Variants in SVEP1 observed in about 807,000 individuals in gnomAD.
SVEP1 encodes sushi, von Willebrand factor type A, EGF and pentraxin domain containing 1, also known as sushi, von Willebrand factor type A, EGF and pentraxin domain-containing protein 1.
Under a neutral mutation model 367.3 loss-of-function variants are expected in SVEP1, and 164 were observed. The observed-to-expected ratio is 0.45, with a 90% CI of 0.39 to 0.51. The LOEUF is 0.51. SVEP1 is among the 20% of genes least tolerant of loss of function. The pLI, the probability that SVEP1 is intolerant of heterozygous loss-of-function variation, is 0.00. For synonymous variants in SVEP1, 1,666 were observed against 1,611.6 expected, an observed-to-expected ratio of 1.03 and a Z score of -0.81; for missense variants, 4,117 against 4,425.3, an observed-to-expected ratio of 0.93 and a Z score of 1.98.
intron 40 of SVEP1, among the ~76,000 whole-genome samples, chr9:110,399,140 A>G (rs9775743): frequency 0.2 from 30,824 of 152,186 alleles, 3,245 homozygotes; most frequent in Middle Eastern, 0.32. Context: ...TGTGGCATAT[A>G]TACACCATGG....
intron 26 of SVEP1, among the ~76,000 whole-genome samples, chr9:110,444,684 T>C (rs1403058072): frequency 2.6e-5 from 4 of 152,246 alleles, no homozygotes; most frequent in African/African-American, 7.2e-5. Flanking sequence ...AGAAAGTTGA[T>C]AATGAAGATA....
intron 9 of SVEP1, 87 bp downstream of exon 9, chr9:110,489,562 TG>T: frequency 7.5e-7 from 1 of 1,335,604 alleles, no homozygotes; most frequent in Non-Finnish European, 1.0e-6. Flanking sequence ...TACCTCCCAC[TG>T]GGTCCTTCCC....
rs1466168822 is a variant in SVEP1, at chr9:110,411,200, T to C, written c.6511A>G (p.Ser2171Gly). The change falls in exon 37 of 48, where the codon AGC (serine) becomes GGC (glycine). Residue 2171 changes from serine (S) to glycine (G), a missense_variant. Physicochemically the swap from Ser to Gly is moderately conservative, Grantham distance 56 (BLOSUM62 0). This residue lies in a region of SVEP1 where 1,765 missense variants were observed against 1,781.1 expected (regional missense o/e 0.99). Transcript: ENST00000374469. ...NYSFGAMVAY[S>G]CNKGFYIKGE... ...TTGATGTAGAACCCCTTGTTGCAGCTGTAAGCCACCATGGCTCCAAAACTG... is the reference window on the plus strand; with the variant it reads ...TTGATGTAGAACCCCTTGTTGCAGCCGTAAGCCACCATGGCTCCAAAACTG... 6.2e-7 allele frequency: 1 copy of C among 1,614,042 alleles called. No homozygotes were observed. The highest frequency in any genetic ancestry group is 8.5e-7 in the Non-Finnish European group (1 of 1,179,890).
At position 110,468,884 on chromosome 9, in the gene SVEP1, C is replaced by T. The variant is rs11999875; in HGVS notation, c.3160+56G>A. 4.1e-5 allele frequency: 61 copies of T among 1,482,898 alleles called. No homozygotes were observed. In the African/African-American group the frequency reaches 7.5e-4, roughly 18 times the overall value. The allele number at this position is 1,482,898 out of a possible 1,614,324, so 91.9% of individuals were successfully genotyped here. ...GAAGAAAATAAATCTTTCTTTCCCC[C>T]AAAAGGGAAACAAAAATTGGGCTGC... On this transcript the variant is annotated intron_variant, in intron 17 of 47. Coordinates refer to ENST00000374469, the MANE Select transcript of SVEP1 (RefSeq NM_153366.4).
At chr9:110,403,296 G>GGTTTTTTTT (rs1827892964) in intron 39 of SVEP1, among the ~76,000 whole-genome samples, 1 of 43,454 alleles carries the variant, frequency 2.3e-5, no homozygotes, top group African/African-American at 1.2e-4. Context: ...CGCCACCGCC[G>GGTTTTTTTT]TTTTTTTTTT....
chr9:110,546,263 A>G lies in SVEP1; in HGVS notation c.816T>C (p.Asp272=), dbSNP rs1488099924. 9 of 1,593,168 alleles carry G rather than the reference A, an allele frequency of 5.6e-6. No individual in the cohort carries two copies. Among genetic ancestry groups the G allele is most frequent in the Non-Finnish European group, 7.7e-6 (9 of 1,169,408 alleles). ...EDLPSGSFIQ[D]DMVHCSYLCD... Reference sequence around the variant, plus strand: ...AAAGATATGAGCAGTGGACCATATCATCTTGAATAAAACTCCCAGAAGGTA... The same window carrying G: ...AAAGATATGAGCAGTGGACCATATCGTCTTGAATAAAACTCCCAGAAGGTA... Residue 272 remains aspartate (D), a synonymous_variant, in exon 3 of 48, where the codon GAT becomes GAC. Coordinates refer to ENST00000374469, the MANE Select transcript of SVEP1 (RefSeq NM_153366.4).
intron 40 of SVEP1, among the ~76,000 whole-genome samples, chr9:110,390,334 C>CAT (rs1564127565): frequency 3.6e-5 from 1 of 27,536 alleles, no homozygotes; most frequent in Non-Finnish European, 6.0e-5. Context: ...CTTATATATA[C>CAT]ACATACTTAT....
chr9:110,578,939 T>A lies in SVEP1; in HGVS notation c.531+74A>T. ...CCTTGCCCAGGACTGAACCCCGGGA[T>A]AGAGACGGGCAGGCAGCGGTGGGTC... On this transcript the variant is annotated intron_variant, in intron 1 of 47. Transcript: ENST00000374469. 2.0e-6 allele frequency: 3 copies of A among 1,494,846 alleles called. No individual in the cohort carries two copies. In the East Asian group the frequency reaches 7.4e-5, roughly 37 times the overall value. 92.6% of individuals were successfully genotyped at this position (1,494,846 alleles called of 1,614,324 possible). A position where few individuals can be genotyped will look rare whatever the true frequency, so the allele number is the denominator to read the frequency against.
chr9:110,380,008 T>C (rs1275819107), intron 43 of SVEP1, among the ~76,000 whole-genome samples: 1 of 152,196 alleles, frequency 6.6e-6, no homozygotes, highest in Non-Finnish European at 1.5e-5. Context: ...AGTGAATGAA[T>C]ATTGTCTCTA....
intron 40 of SVEP1, among the ~76,000 whole-genome samples, chr9:110,396,029 C>T (rs1375340450): frequency 6.6e-6 from 1 of 152,154 alleles, no homozygotes; most frequent in Non-Finnish European, 1.5e-5. Context: ...GAACTGTCCA[C>T]CCCAAATCAA....
chr9:110,485,794 C>A (rs929821711), intron 9 of SVEP1, among the ~76,000 whole-genome samples: 2 of 152,084 alleles, frequency 1.3e-5, no homozygotes, highest in East Asian at 1.9e-4. Context: ...TAAATTGTAG[C>A]CACAAGCATT....
At chr9:110,379,810 A>G (rs1827407109) in intron 43 of SVEP1, among the ~76,000 whole-genome samples, 1 of 152,186 alleles carries the variant, frequency 6.6e-6, no homozygotes, top group East Asian at 1.9e-4. Flanking sequence ...TACCTCATCA[A>G]ATAAATGGCT....
rs188829719 is a variant in SVEP1, at chr9:110,553,603, C to T, written c.532-3499G>A. Among the ~76,000 whole-genome samples, 398 of 152,220 alleles carry T rather than the reference C, an allele frequency of 2.6e-3. 2 individuals are homozygous for T. The highest frequency in any genetic ancestry group is 3.9e-3 in the Non-Finnish European group (262 of 68,020). ...GAAGGAGGTCACTTTAACCCCTCTGCGACACAGTTCAAAGATATCCAGGGG... is the reference window on the plus strand; with the variant it reads ...GAAGGAGGTCACTTTAACCCCTCTGTGACACAGTTCAAAGATATCCAGGGG... On this transcript the variant is annotated intron_variant, in intron 1 of 47. Transcript: ENST00000374469.
At chr9:110,519,907 A>C (rs1042557619) in intron 3 of SVEP1, among the ~76,000 whole-genome samples, 1 of 152,138 alleles carries the variant, frequency 6.6e-6, no homozygotes, top group Non-Finnish European at 1.5e-5. Flanking sequence ...GTTACAAGTA[A>C]GGATGTCTAT....
At chr9:110,515,642 C>T (rs1426009990) in intron 3 of SVEP1, among the ~76,000 whole-genome samples, 1 of 152,044 alleles carries the variant, frequency 6.6e-6, no homozygotes, top group African/African-American at 2.4e-5. Flanking sequence ...TTAATCCTCA[C>T]AGTATTAATA....
At chr9:110,563,790 T>C (rs1830457253) in intron 1 of SVEP1, among the ~76,000 whole-genome samples, 1 of 152,180 alleles carries the variant, frequency 6.6e-6, no homozygotes, top group Admixed American at 6.5e-5. Context: ...CACAGTATGG[T>C]GTCTCCACTT....
chr9:110,570,959 C>T (rs1427369384), intron 1 of SVEP1, among the ~76,000 whole-genome samples: 1 of 149,034 alleles, frequency 6.7e-6, no homozygotes, highest in Non-Finnish European at 1.5e-5. Flanking sequence ...ATATACTCTT[C>T]CAGATGGCTC....
rs1828588485 is a variant in SVEP1, at chr9:110,445,932, CCAGAAGGTA to C, written c.4359_4367del (p.Cys1453_Phe1455del). ...AGTTCATGTCGTCAGAGGATTTCAT[CCAGAAGGTA>C]CAGGTTAGAGCATGGAGAGATGGGA... On this transcript the variant is annotated inframe_deletion, in exon 26 of 48. Transcript: ENST00000374469. 6.2e-7 allele frequency: 1 copy of C among 1,613,798 alleles called. No homozygotes were observed.
intron 39 of SVEP1, among the ~76,000 whole-genome samples, chr9:110,402,362 G>A (rs1318460022): frequency 1.3e-5 from 2 of 151,960 alleles, no homozygotes; most frequent in Admixed American, 6.6e-5. Flanking sequence ...TTCAAAATTT[G>A]TATTGATCTC....
Sources: gnomAD v4.1 joint callset for allele counts (sites outside exome capture counted in the v4.1 genomes callset) on GRCh38, gnomAD v4.1.1 for gene constraint, gnomAD v4.1.1 regional missense constraint, MANE v1.5 for transcripts, NCBI Gene and HGNC (gene_info 2026-07-23, HGNC 2026-07-21) for gene names.